PKIA: variants seen among roughly 807,000 people sequenced by gnomAD.
PKIA encodes cAMP-dependent protein kinase inhibitor alpha.
In PKIA, 4 loss-of-function variants were observed where a neutral mutation model predicts 7.6. The observed-to-expected ratio is 0.52, with a 90% CI of 0.26 to 1.20. The LOEUF (loss-of-function observed/expected upper bound fraction) is 1.20. PKIA is among the 50% of genes most tolerant of loss of function. The pLI is 0.13. For missense variants in PKIA, 73 were observed against 86.2 expected, an observed-to-expected ratio of 0.85 and a Z score of 0.61; for synonymous variants, 21 against 30.7, an observed-to-expected ratio of 0.68 and a Z score of 1.04.
intron 2 of PKIA, among the ~76,000 whole-genome samples, chr8:78,593,727 G>C (rs896844920): frequency 6.7e-6 from 1 of 149,722 alleles, no homozygotes; most frequent in African/African-American, 2.6e-5. Context: ...AAAAAGCATG[G>C]GCAGGAACTT....
At chr8:78,541,935 C>G (rs1315029942) in intron 1 of PKIA, among the ~76,000 whole-genome samples, 2 of 151,582 alleles carry the variant, frequency 1.3e-5, no homozygotes, top group Non-Finnish European at 2.9e-5. Flanking sequence ...TTTGGGAGAC[C>G]AAGGTGGGTG....
intron 2 of PKIA, among the ~76,000 whole-genome samples, chr8:78,585,170 T>TAAA (rs1433094688): frequency 6.6e-6 from 1 of 152,000 alleles, no homozygotes; most frequent in Non-Finnish European, 1.5e-5. Context: ...TATTTTAAAA[T>TAAA]AGTTCAGTGG....
chr8:78,552,403 A>G (rs1807007714), intron 1 of PKIA, among the ~76,000 whole-genome samples: 1 of 151,630 alleles, frequency 6.6e-6, no homozygotes, highest in Non-Finnish European at 1.5e-5. Context: ...CACTGTTGGC[A>G]TTCTTCCAAT....
chr8:78,602,051 G>A lies in PKIA; in HGVS notation c.*230G>A, dbSNP rs899517420. 2.3e-5 allele frequency: 12 copies of A among 533,106 alleles called. No homozygotes were observed. Among genetic ancestry groups the A allele is most frequent in the South Asian group, 4.9e-5 (2 of 41,072 alleles). The allele number at this position is 533,106 out of a possible 1,614,324, so 33.0% of individuals were successfully genotyped here. On this transcript the variant is annotated 3_prime_UTR_variant, in exon 4 of 4. Transcript: ENST00000396418. ...GAAATCATGTGGCTTGTGTTTGGGC[G>A]TCATTTTTGTATGGATCCTTTCACT...
chr8:78,586,027 A>G (rs1807943144), intron 2 of PKIA, among the ~76,000 whole-genome samples: 1 of 151,974 alleles, frequency 6.6e-6, no homozygotes, highest in African/African-American at 2.4e-5. Context: ...CATGCTTCCC[A>G]CTCAATAAAT....
intron 1 of PKIA, among the ~76,000 whole-genome samples, chr8:78,541,278 G>C (rs1806679741): frequency 6.6e-6 from 1 of 152,082 alleles, no homozygotes; most frequent in South Asian, 2.1e-4. Flanking sequence ...CAGTTGGCAA[G>C]TGGCAATCTA....
intron 1 of PKIA, among the ~76,000 whole-genome samples, chr8:78,563,434 A>G (rs570695905): frequency 1.9e-4 from 29 of 152,340 alleles, no homozygotes; most frequent in African/African-American, 6.7e-4. Flanking sequence ...CACTGAATGT[A>G]AATGGAACTA....
At chr8:78,557,336 T>A (rs1448330304) in intron 1 of PKIA, among the ~76,000 whole-genome samples, 1 of 152,152 alleles carries the variant, frequency 6.6e-6, no homozygotes, top group Admixed American at 6.5e-5. Flanking sequence ...ACTCAATTTG[T>A]GCCCATGGAT....
At chr8:78,568,746 T>C (rs934456463) in intron 1 of PKIA, among the ~76,000 whole-genome samples, 1 of 152,144 alleles carries the variant, frequency 6.6e-6, no homozygotes, top group Non-Finnish European at 1.5e-5. Context: ...AGCCAAAGTA[T>C]GAGAAAAGAG....
At chr8:78,596,792 C>G (rs750779431) in intron 2 of PKIA, among the ~76,000 whole-genome samples, 1 of 152,088 alleles carries the variant, frequency 6.6e-6, no homozygotes, top group Non-Finnish European at 1.5e-5. Context: ...AGAGTTTTTA[C>G]AGTTTCAGGT....
intron 1 of PKIA, among the ~76,000 whole-genome samples, chr8:78,563,628 G>A (rs967476471): frequency 7.2e-5 from 11 of 151,998 alleles, no homozygotes; most frequent in South Asian, 2.1e-4. Context: ...GGAGATCACC[G>A]GTGTCCTTCA....
At chr8:78,573,353 T>C (rs1347762912) in intron 2 of PKIA, among the ~76,000 whole-genome samples, 1 of 152,018 alleles carries the variant, frequency 6.6e-6, no homozygotes, top group Non-Finnish European at 1.5e-5. Flanking sequence ...TCCTAATGAA[T>C]GATGTAAGGA....
At chr8:78,600,210 A>G (rs1388937968) in intron 3 of PKIA, among the ~76,000 whole-genome samples, 3 of 151,982 alleles carry the variant, frequency 2.0e-5, no homozygotes, top group Non-Finnish European at 4.4e-5. Flanking sequence ...AAAACTAATA[A>G]CTGTATAATA....
chr8:78,520,574 C>T (rs1023171918), intron 1 of PKIA, among the ~76,000 whole-genome samples: 15 of 152,084 alleles, frequency 9.9e-5, no homozygotes, highest in African/African-American at 3.6e-4. Flanking sequence ...TATTACCACC[C>T]GCTCTTTGAA....
chr8:78,601,674 T>C, intron 3 of PKIA, 68 bp from the exon 4 acceptor site: 1 of 1,147,128 alleles, frequency 8.7e-7, no homozygotes, highest in Middle Eastern at 1.9e-4. Flanking sequence ...TATGACATAT[T>C]GACAGTTGGT....
chr8:78,601,661 C>A (rs1032018398), intron 3 of PKIA, 81 bp from the exon 4 acceptor site: 4 of 1,029,942 alleles, frequency 3.9e-6, no homozygotes, highest in Non-Finnish European at 5.9e-6. Context: ...CTGAAGTTAC[C>A]AATATGACAT....
intron 1 of PKIA, among the ~76,000 whole-genome samples, chr8:78,539,990 G>A (rs998092554): frequency 3.4e-4 from 51 of 151,854 alleles, no homozygotes; most frequent in Admixed American, 1.2e-3. Context: ...AAAATATTTA[G>A]CAGTTTCATA....
rs561066690 is a variant in PKIA, at chr8:78,581,032, C to G, written c.-28+8093C>G. 3.0e-4 allele frequency among the ~76,000 whole-genome samples: 45 copies of G among 152,092 alleles called. No homozygotes were observed. In the South Asian group the frequency reaches 6.0e-3, roughly 20 times the overall value. ...TGCAAAGGCCTGGGACAGCTATTCC[C>G]CAATAACAGTGAGCAAACCTAGTGT... On this transcript the variant is annotated intron_variant, in intron 2 of 3. Coordinates refer to ENST00000396418, the MANE Select transcript of PKIA (RefSeq NM_006823.4).
At chr8:78,598,007 G>T (rs1808264289) in intron 2 of PKIA, among the ~76,000 whole-genome samples, 1 of 150,554 alleles carries the variant, frequency 6.6e-6, no homozygotes, top group South Asian at 2.1e-4. Flanking sequence ...TAAAAACTGA[G>T]TACAAATGGA....
Sources: gnomAD v4.1 joint callset for allele counts (sites outside exome capture counted in the v4.1 genomes callset) on GRCh38, gnomAD v4.1.1 for gene constraint, MANE v1.5 for transcripts, NCBI Gene and HGNC (gene_info 2026-07-23, HGNC 2026-07-21) for gene names.